VPS4B: variants seen among roughly 807,000 people sequenced by gnomAD.
The protein encoded by VPS4B is vacuolar protein sorting 4 homolog B.
VPS4B carries 23 observed loss-of-function variants against 56.1 expected under a neutral mutation model. The observed-to-expected ratio is 0.41, with a 90% confidence interval of 0.30 to 0.58. VPS4B has a LOEUF of 0.58. Among genes scored for constraint, VPS4B ranks in the 20% least tolerant of loss-of-function variants. VPS4B has a pLI of 0.29. For synonymous variants in VPS4B, 177 were observed against 186.0 expected, an observed-to-expected ratio of 0.95 and a Z score of 0.39; for missense variants, 372 against 531.9, an observed-to-expected ratio of 0.70 and a Z score of 2.96.
intron 1 of VPS4B, among the ~76,000 whole-genome samples, chr18:63,412,011 G>A (rs1599364759): frequency 6.6e-6 from 1 of 152,270 alleles, no homozygotes; most frequent in Admixed American, 6.5e-5. Flanking sequence ...TGTAAATGGG[G>A]TGAAACCTCT....
Position 63,391,093 on chromosome 18 carries a change from A to C in VPS4B, c.1234-17T>G. ...CATATCCGACTGTCAGGGAAAAAGA[A>C]GGGTAGGGAGGATATTAATAATAGA... On this transcript the variant is annotated splice_polypyrimidine_tract_variant and intron_variant, in intron 10 of 10. Transcript: ENST00000238497. 1 of 1,504,514 alleles carries C rather than the reference A, an allele frequency of 6.6e-7. No homozygotes were observed. The allele number at this position is 1,504,514 out of a possible 1,614,324, so 93.2% of individuals were successfully genotyped here. A position where few individuals can be genotyped will look rare whatever the true frequency, so the allele number is the denominator to read the frequency against.
At chr18:63,416,781 C>A (rs1599367741) in intron 1 of VPS4B, among the ~76,000 whole-genome samples, 1 of 152,162 alleles carries the variant, frequency 6.6e-6, no homozygotes, top group African/African-American at 2.4e-5. Context: ...TTGAACCCTT[C>A]CACCTAGAAT....
chr18:63,399,854 A>T (rs1279580210), intron 7 of VPS4B, among the ~76,000 whole-genome samples, 194 bp downstream of exon 7: 1 of 152,158 alleles, frequency 6.6e-6, no homozygotes. Context: ...CGACTTTAAA[A>T]ATCAGTAACA....
In VPS4B at chr18:63,405,828, A is replaced by AAACAAAC. The variant is rs1568087393; in HGVS notation, c.364+1603_364+1604insGTTTGTT. The stretch of plus-strand genomic sequence containing the variant: ...ACAAACAAACAAACAAACAAACAAA[A>AAACAAAC]AAAAAAACTTAGCCGGGCATGGTGG... On this transcript the variant is annotated intron_variant, in intron 4 of 10. Transcript: ENST00000238497. Among the ~76,000 whole-genome samples the AAACAAAC allele has an allele frequency of 5.3e-3, 794 of 149,180 alleles. 8 individuals carry two copies. The highest frequency in any genetic ancestry group is 0.019 in the African/African-American group (739 of 39,444).
At chr18:63,394,592 G>A (rs931899579) in intron 9 of VPS4B, among the ~76,000 whole-genome samples, 1 of 151,818 alleles carries the variant, frequency 6.6e-6, no homozygotes, top group Non-Finnish European at 1.5e-5. Flanking sequence ...TCAGCCTCCC[G>A]AGTAGCTGGG....
At chr18:63,420,906 T>G (rs770636677) in intron 1 of VPS4B, among the ~76,000 whole-genome samples, 5 of 151,228 alleles carry the variant, frequency 3.3e-5, no homozygotes, top group Non-Finnish European at 7.4e-5. Context: ...GGCGTGGTGG[T>G]GGGTGCCTGT....
chr18:63,405,533 C>A (rs1915897620), intron 4 of VPS4B, among the ~76,000 whole-genome samples: 1 of 151,994 alleles, frequency 6.6e-6, no homozygotes, highest in Non-Finnish European at 1.5e-5. Flanking sequence ...TCTATTTCAT[C>A]CTGAAATTTC....
chr18:63,405,338 TTTTTAA>T (rs1237586050), intron 4 of VPS4B, among the ~76,000 whole-genome samples: 3 of 152,128 alleles, frequency 2.0e-5, no homozygotes, highest in African/African-American at 4.8e-5. Context: ...CACAAACCGA[TTTTTAA>T]TTTTAACAAA....
chr18:63,398,224 T>TATATATATATATATATATATATATA (rs200704125), intron 8 of VPS4B, among the ~76,000 whole-genome samples: 7 of 46,788 alleles, frequency 1.5e-4, no homozygotes, highest in African/African-American at 3.8e-4. Context: ...TATATATATA[T>TATATATATATATATATATATATATA]TTTTTTTTGA....
chr18:63,413,366 C>G (rs1412914209), intron 1 of VPS4B, among the ~76,000 whole-genome samples: 2 of 152,050 alleles, frequency 1.3e-5, no homozygotes, highest in Non-Finnish European at 2.9e-5. Flanking sequence ...CAGTGAAACC[C>G]CGTCTCTACT....
Position 63,390,580 on chromosome 18 carries a change from T to G in VPS4B, c.*395A>C, listed in dbSNP as rs1477194098. 1.3e-5 allele frequency: 2 copies of G among 153,484 alleles called. No individual in the cohort carries two copies. Among genetic ancestry groups the G allele is most frequent in the Non-Finnish European group, 2.9e-5 (2 of 68,658 alleles). 9.5% of individuals were successfully genotyped at this position (153,484 alleles called of 1,614,324 possible). A position where few individuals can be genotyped will look rare whatever the true frequency, so the allele number is the denominator to read the frequency against. On this transcript the variant is annotated 3_prime_UTR_variant, in exon 11 of 11. Coordinates refer to ENST00000238497, the MANE Select transcript of VPS4B (RefSeq NM_004869.4). ...AATTTTACATTGATAAGAATGATGT[T>G]TAACAATTTTTTTGAAAATATAAAA... is the stretch of plus-strand genomic sequence containing the variant.
At chr18:63,402,025 A>C (rs934809629) in intron 5 of VPS4B, among the ~76,000 whole-genome samples, 3 of 152,104 alleles carry the variant, frequency 2.0e-5, no homozygotes, top group Non-Finnish European at 2.9e-5. Flanking sequence ...CAAAACAAAA[A>C]AAACTGCTAG....
chr18:63,400,084 G>A lies in VPS4B; in HGVS notation c.754C>T (p.Arg252Cys), dbSNP rs372889875. The change falls in exon 7 of 11, where the codon CGT becomes TGT. Residue 252 changes from arginine to cysteine, a missense_variant. Physicochemically the swap from Arg to Cys is radical, Grantham distance 180 (BLOSUM62 -3). Coordinates refer to ENST00000238497, the MANE Select transcript of VPS4B (RefSeq NM_004869.4). ...SRSENESEAARRIKTEFLVQM... is the reference protein window; with the variant it reads ...SRSENESEAACRIKTEFLVQM... The stretch of plus-strand genomic sequence containing the variant: ...ACTAGGAACTCCGTCTTAATTCTAC[G>A]TGCGGCTTCACTTTCATTTTCACTT... 57 of 1,611,762 alleles carry A rather than the reference G, an allele frequency of 3.5e-5. No individual in the cohort carries two copies. The highest frequency in any genetic ancestry group is 4.4e-5 in the Non-Finnish European group (52 of 1,179,330).
rs1915524246 is a variant in VPS4B, at chr18:63,390,564, TTGA to T, written c.*408_*410del. On this transcript the variant is annotated 3_prime_UTR_variant, in exon 11 of 11. Transcript: ENST00000238497. ...ATTTTTTAATAACGTAAATTTTACA[TTGA>T]TAAGAATGATGTTTAACAATTTTTT... is the stretch of plus-strand genomic sequence containing the variant. 1 of 153,074 alleles carries T rather than the reference TTGA, an allele frequency of 6.5e-6. No homozygotes were observed. The highest frequency in any genetic ancestry group is 2.4e-5 in the African/African-American group (1 of 41,448). 9.5% of individuals were successfully genotyped at this position (153,074 alleles called of 1,614,324 possible).
chr18:63,408,040 C>T (rs1358637255), intron 3 of VPS4B, among the ~76,000 whole-genome samples: 1 of 152,146 alleles, frequency 6.6e-6, no homozygotes, highest in Non-Finnish European at 1.5e-5. Context: ...TCATTCATAT[C>T]TAGGGATTTA....
At chr18:63,417,893 C>A (rs17689135) in intron 1 of VPS4B, among the ~76,000 whole-genome samples, 20,531 of 152,036 alleles carry the variant, frequency 0.14, 1,885 homozygotes, top group Non-Finnish European at 0.21. Context: ...ACTTAGGAGT[C>A]CCAGACACAT....
chr18:63,394,236 T>C (rs887630557), intron 9 of VPS4B, among the ~76,000 whole-genome samples: 2 of 152,222 alleles, frequency 1.3e-5, no homozygotes, highest in Non-Finnish European at 1.5e-5. Context: ...AGTTGCTCTA[T>C]AGCTGAGAAA....
chr18:63,409,400 T>C (rs1348375824), intron 3 of VPS4B, among the ~76,000 whole-genome samples: 3 of 152,192 alleles, frequency 2.0e-5, no homozygotes, highest in Non-Finnish European at 2.9e-5. Context: ...CCTGCGCCAC[T>C]GCATACCATG....
In VPS4B at chr18:63,397,223, C is replaced by T. The variant is rs767179993; in HGVS notation, c.903G>A (p.Pro301=). The stretch of plus-strand genomic sequence containing the variant: ...ACATTGCTGCTCGGGCATGGGGTTC[C>T]GGCAAGGGAATATAAATTCGTTTCT... ...RFEKRIYIPL[P]EPHARAAMFK... is the part of the protein sequence containing the mutation. The change falls in exon 9 of 11, where the codon CCG becomes CCA. Residue 301 remains proline (P), a synonymous_variant. Coordinates refer to ENST00000238497, the MANE Select transcript of VPS4B (RefSeq NM_004869.4). 7 of 1,607,072 alleles carry T rather than the reference C, an allele frequency of 4.4e-6. No homozygotes were observed. The highest frequency in any genetic ancestry group is 1.3e-5 in the African/African-American group (1 of 74,578).
Sources: gnomAD v4.1 joint callset for allele counts (sites outside exome capture counted in the v4.1 genomes callset) on GRCh38, gnomAD v4.1.1 for gene constraint, MANE v1.5 for transcripts, NCBI Gene and HGNC (gene_info 2026-07-23, HGNC 2026-07-21) for gene names.